Variants in CPQ observed in about 807,000 individuals in gnomAD.
CPQ encodes carboxypeptidase Q.
Under a neutral mutation model 45.7 loss-of-function variants are expected in CPQ, and 37 were observed. The observed-to-expected ratio is 0.81, with a 90% CI of 0.62 to 1.07. The LOEUF (loss-of-function observed/expected upper bound fraction) is 1.07, where lower values mean the gene tolerates loss of function less well. Ranked by LOEUF, CPQ falls within the 50% of genes least tolerant of loss-of-function variation. The pLI is 0.00. For missense variants in CPQ, 537 were observed against 572.9 expected, an observed-to-expected ratio of 0.94 and a Z score of 0.64; for synonymous variants, 186 against 205.8, an observed-to-expected ratio of 0.90 and a Z score of 0.82.
intron 7 of CPQ, among the ~76,000 whole-genome samples, chr8:97,122,956 TA>T (rs1193172924): frequency 8.7e-5 from 5 of 57,722 alleles, no homozygotes; most frequent in African/African-American, 2.1e-4. Flanking sequence ...TAAAATAAAA[TA>T]AAATAAAATA....
chr8:96,796,676 A>AATGCC (rs1810934049), intron 2 of CPQ, among the ~76,000 whole-genome samples: 1 of 152,186 alleles, frequency 6.6e-6, no homozygotes, highest in African/African-American at 2.4e-5. Flanking sequence ...AAGATTGGTG[A>AATGCC]ATGCCATGCT....
intron 1 of CPQ, among the ~76,000 whole-genome samples, chr8:96,680,997 A>G (rs546194932): frequency 6.6e-6 from 1 of 152,358 alleles, no homozygotes; most frequent in Admixed American, 6.5e-5. Flanking sequence ...GAAATTTCTA[A>G]GCAGCAAAAC....
At chr8:96,776,726 TA>T (rs1261529527) in intron 1 of CPQ, among the ~76,000 whole-genome samples, 2 of 152,192 alleles carry the variant, frequency 1.3e-5, no homozygotes, top group Non-Finnish European at 2.9e-5. Context: ...AATGACATTA[TA>T]AAGAATTTTA....
chr8:96,891,285 C>T (rs1812371729), intron 4 of CPQ, among the ~76,000 whole-genome samples: 1 of 152,188 alleles, frequency 6.6e-6, no homozygotes, highest in African/African-American at 2.4e-5. Flanking sequence ...CCGGTGCAGA[C>T]AAACTGCTGC....
At chr8:97,021,598 C>T (rs902050777) in intron 5 of CPQ, among the ~76,000 whole-genome samples, 3 of 152,028 alleles carry the variant, frequency 2.0e-5, no homozygotes, top group African/African-American at 7.2e-5. Flanking sequence ...AAGAACTCAA[C>T]CCCTTTTAAA....
chr8:96,730,442 G>C (rs990392771), intron 1 of CPQ, among the ~76,000 whole-genome samples: 14 of 152,138 alleles, frequency 9.2e-5, no homozygotes, highest in Admixed American at 8.5e-4. Context: ...AGAGGACCAA[G>C]AGTCTTGGGA....
At chr8:96,721,250 C>T (rs987279813) in intron 1 of CPQ, among the ~76,000 whole-genome samples, 5 of 151,900 alleles carry the variant, frequency 3.3e-5, no homozygotes, top group African/African-American at 1.2e-4. Context: ...GACTGCTGTC[C>T]TCTGCTTGGA....
At chr8:96,928,511 G>A (rs1241331371) in intron 4 of CPQ, among the ~76,000 whole-genome samples, 3 of 151,934 alleles carry the variant, frequency 2.0e-5, no homozygotes, top group South Asian at 2.1e-4. Flanking sequence ...ATTTGTGGGC[G>A]AAACATGTTT....
At chr8:96,986,956 G>A (rs1808997022) in intron 5 of CPQ, among the ~76,000 whole-genome samples, 1 of 152,130 alleles carries the variant, frequency 6.6e-6, no homozygotes, top group African/African-American at 2.4e-5. Flanking sequence ...CCAAAATGGG[G>A]AGTGGTGTTG....
At chr8:96,818,244 A>G (rs1015491894) in intron 2 of CPQ, among the ~76,000 whole-genome samples, 8 of 151,904 alleles carry the variant, frequency 5.3e-5, no homozygotes, top group African/African-American at 1.9e-4. Flanking sequence ...TGACTGCTCC[A>G]TCAACCTTCC....
intron 1 of CPQ, among the ~76,000 whole-genome samples, chr8:96,746,141 C>G (rs1343940768): frequency 6.6e-6 from 1 of 152,038 alleles, no homozygotes; most frequent in African/African-American, 2.4e-5. Flanking sequence ...TTGATGATGA[C>G]TTGATGAAAG....
intron 1 of CPQ, among the ~76,000 whole-genome samples, chr8:96,784,341 G>A (rs1810728962): frequency 6.7e-6 from 1 of 148,228 alleles, no homozygotes; most frequent in African/African-American, 2.5e-5. Flanking sequence ...AATACCTTTT[G>A]AACATAAGCA....
At chr8:96,764,865 A>T (rs1413624230) in intron 1 of CPQ, among the ~76,000 whole-genome samples, 2 of 152,216 alleles carry the variant, frequency 1.3e-5, no homozygotes, top group Non-Finnish European at 2.9e-5. Context: ...GACCTTTAAA[A>T]TATGTAGAGT....
chr8:97,001,721 C>CTTTTTTTTTTTTTTTTTTTTTTTT (rs61282246), intron 5 of CPQ, among the ~76,000 whole-genome samples: 9 of 92,092 alleles, frequency 9.8e-5, no homozygotes, highest in East Asian at 3.2e-4. Context: ...TTCTTTCTTT[C>CTTTTTTTTTTTTTTTTTTTTTTTT]TTTTTTTTTT....
At chr8:97,085,802 T>C (rs1811032289) in intron 7 of CPQ, among the ~76,000 whole-genome samples, 1 of 152,186 alleles carries the variant, frequency 6.6e-6, no homozygotes, top group African/African-American at 2.4e-5. Context: ...AAAAAGAAGT[T>C]GAGACTGAGG....
intron 2 of CPQ, among the ~76,000 whole-genome samples, chr8:96,831,423 A>C (rs1228290014): frequency 6.6e-6 from 1 of 152,142 alleles, no homozygotes; most frequent in East Asian, 1.9e-4. Context: ...CCTTACTGTG[A>C]ATATGACACA....
At chr8:96,866,641 G>A (rs759292599) in intron 3 of CPQ, among the ~76,000 whole-genome samples, 8 of 151,848 alleles carry the variant, frequency 5.3e-5, no homozygotes, top group Admixed American at 1.3e-4. Context: ...TGGTGTTAAC[G>A]TTCATCTATT....
In CPQ at chr8:97,029,431, G is replaced by A. The variant is rs7840421; in HGVS notation, c.990G>A (p.Leu330=). 5,555 of 1,608,554 alleles carry A rather than the reference G, an allele frequency of 3.5e-3. 174 individuals are homozygous for A. In the African/African-American group the frequency reaches 0.066, roughly 19 times the overall value. Residue 330 remains leucine, a synonymous_variant, in exon 6 of 8, where the codon CTG becomes CTA. Transcript: ENST00000220763. ...TGCGTCCAAAGAGGACTCTGCGGCT[G>A]GTGCTCTGGACTGCAGAAGAACAAG... ...LGLRPKRTLR[L]VLWTAEEQGG... is the part of the protein sequence containing the mutation.
intron 7 of CPQ, among the ~76,000 whole-genome samples, chr8:97,125,022 A>T (rs976170757): frequency 3.3e-5 from 5 of 152,178 alleles, no homozygotes; most frequent in Non-Finnish European, 5.9e-5. Flanking sequence ...CTGGTCAAGA[A>T]AAAAGAGAAG....
Sources: allele counts gnomAD v4.1 joint callset (sites outside exome capture counted in the v4.1 genomes callset), GRCh38; gene constraint gnomAD v4.1.1; transcripts MANE v1.5; gene names NCBI Gene and HGNC (gene_info 2026-07-23, HGNC 2026-07-21).